CADM1: variants seen among roughly 807,000 people sequenced by gnomAD.
CADM1 encodes cell adhesion molecule 1.
CADM1 carries 15 observed loss-of-function variants against 53.1 expected under a neutral mutation model. That is an observed-to-expected ratio of 0.28 (90% CI 0.19 to 0.44). The LOEUF is 0.44. Among genes scored for constraint, CADM1 ranks in the 20% least tolerant of loss-of-function variants. The pLI, the probability that CADM1 is intolerant of heterozygous loss-of-function variation, is 1.00. For missense variants in CADM1, 434 were observed against 611.3 expected (o/e 0.71, Z 3.06); for synonymous variants, 281 against 243.0 (o/e 1.16, Z -1.45).
At chr11:115,493,602 A>G (rs961438284) in intron 1 of CADM1, among the ~76,000 whole-genome samples, 1 of 152,168 alleles carries the variant, frequency 6.6e-6, no homozygotes, top group Non-Finnish European at 1.5e-5. Context: ...ACCTACACTC[A>G]GTAACTAAAT....
intron 5 of CADM1, among the ~76,000 whole-genome samples, chr11:115,228,842 C>A (rs1159797323): frequency 6.6e-6 from 1 of 152,102 alleles, no homozygotes; most frequent in Non-Finnish European, 1.5e-5. Flanking sequence ...TGATGACAGT[C>A]TATATGCAAA....
Position 115,238,564 on chromosome 11 carries a change from T to C in CADM1, c.360A>G (p.Gly120=). 1.2e-6 allele frequency: 2 copies of C among 1,613,940 alleles called. No homozygotes were observed. The highest frequency in any genetic ancestry group is 1.7e-6 in the Non-Finnish European group (2 of 1,179,880). ...CGGTATAGAGCTGGCAAAAGTATCT[T>C]CCTTCATCAGAAATTGAGACGTTTG... ...SLTNVSISDE[G]RYFCQLYTDP... is the part of the protein sequence containing the mutation. Residue 120 remains glycine (G), a synonymous_variant, in exon 3 of 12, where the codon GGA becomes GGG. Coordinates refer to ENST00000331581, the MANE Select transcript of CADM1 (RefSeq NM_001301043.2).
chr11:115,221,200 T>G (rs1306493606), intron 5 of CADM1, among the ~76,000 whole-genome samples: 2 of 152,130 alleles, frequency 1.3e-5, no homozygotes, highest in East Asian at 3.8e-4. Flanking sequence ...AACTGCTATA[T>G]AAAAATAAGA....
intron 1 of CADM1, among the ~76,000 whole-genome samples, chr11:115,308,999 C>A (rs951574852): frequency 3.3e-5 from 5 of 151,964 alleles, no homozygotes. Flanking sequence ...TACAAACTGG[C>A]AAGAAACATT....
chr11:115,177,216 T>A (rs1322547925), intron 11 of CADM1, among the ~76,000 whole-genome samples: 2 of 152,198 alleles, frequency 1.3e-5, no homozygotes, highest in South Asian at 2.1e-4. Context: ...AGGTTTGGGA[T>A]CTGTCTTAAT....
chr11:115,215,749 G>A (rs193012088), intron 6 of CADM1, among the ~76,000 whole-genome samples: 1 of 152,288 alleles, frequency 6.6e-6, no homozygotes, highest in Non-Finnish European at 1.5e-5. Flanking sequence ...CTCCTATGAA[G>A]TTGAGGCCAC....
chr11:115,197,757 G>A (rs565014362), intron 9 of CADM1, among the ~76,000 whole-genome samples: 2 of 152,130 alleles, frequency 1.3e-5, no homozygotes, highest in African/African-American at 2.4e-5. Context: ...TTGACACATG[G>A]TATCATTCTT....
chr11:115,180,809 T>C (rs1939274903), intron 10 of CADM1, among the ~76,000 whole-genome samples: 1 of 152,036 alleles, frequency 6.6e-6, no homozygotes, highest in South Asian at 2.1e-4. Flanking sequence ...AGCCAGCAAG[T>C]TGTGTTTTCC....
Position 115,375,205 on chromosome 11 carries a change from T to C in CADM1, c.124+129066A>G, listed in dbSNP as rs538628897. 3.7e-4 allele frequency among the ~76,000 whole-genome samples: 57 copies of C among 152,308 alleles called. No homozygotes were observed. In the South Asian group the frequency reaches 6.0e-3, roughly 16 times the overall value. ...TTGAAGTTGAGTGATAAGAACATGA[T>C]ATTCAATACACTATGCCCTCTGCTT... On this transcript the variant is annotated intron_variant, in intron 1 of 11. Transcript: ENST00000331581.
chr11:115,371,252 T>C (rs1351425867), intron 1 of CADM1, among the ~76,000 whole-genome samples: 1 of 152,130 alleles, frequency 6.6e-6, no homozygotes, highest in African/African-American at 2.4e-5. Flanking sequence ...GTTTATAGCA[T>C]ATGCATAAAA....
intron 1 of CADM1, among the ~76,000 whole-genome samples, chr11:115,353,015 G>A (rs1246066508): frequency 6.6e-6 from 1 of 152,320 alleles, no homozygotes; most frequent in South Asian, 2.1e-4. Context: ...GATTTCTCTT[G>A]AGATAACTTT....
intron 1 of CADM1, among the ~76,000 whole-genome samples, chr11:115,359,845 C>T (rs1440943504): frequency 6.6e-6 from 1 of 152,166 alleles, no homozygotes; most frequent in African/African-American, 2.4e-5. Flanking sequence ...TTGAGACCTA[C>T]GAAAATAATA....
chr11:115,298,943 C>T (rs1591684988), intron 1 of CADM1, among the ~76,000 whole-genome samples: 4 of 152,278 alleles, frequency 2.6e-5, no homozygotes, highest in Admixed American at 6.5e-5. Context: ...TACCTGAACA[C>T]TGCCAGGTCA....
At chr11:115,197,814 C>T (rs1940229752) in intron 9 of CADM1, among the ~76,000 whole-genome samples, 1 of 152,122 alleles carries the variant, frequency 6.6e-6, no homozygotes, top group African/African-American at 2.4e-5. Flanking sequence ...GTTATATGAA[C>T]ACATAGAGAT....
At chr11:115,261,985 T>G (rs561529918) in intron 1 of CADM1, among the ~76,000 whole-genome samples, 26 of 152,120 alleles carry the variant, frequency 1.7e-4, no homozygotes, top group Non-Finnish European at 3.5e-4. Flanking sequence ...TTCACCATGT[T>G]AGCCAGGATG....
chr11:115,404,327 G>GA (rs1216372271), intron 1 of CADM1, among the ~76,000 whole-genome samples: 3 of 5,830 alleles, frequency 5.1e-4, no homozygotes, highest in African/African-American at 5.3e-4. Context: ...ATCTGTCTCG[G>GA]AAAAAAAAAA....
chr11:115,296,721 G>A (rs1369224622), intron 1 of CADM1, among the ~76,000 whole-genome samples: 1 of 152,064 alleles, frequency 6.6e-6, no homozygotes, highest in African/African-American at 2.4e-5. Context: ...ATCTCACTTT[G>A]GGTACTCTGT....
chr11:115,234,412 GC>G (rs923046785), intron 3 of CADM1, among the ~76,000 whole-genome samples: 1 of 152,158 alleles, frequency 6.6e-6, no homozygotes, highest in Admixed American at 6.5e-5. Flanking sequence ...CTGACAGGCA[GC>G]TAGGTCCCCA....
At chr11:115,478,162 A>G (rs925195377) in intron 1 of CADM1, among the ~76,000 whole-genome samples, 18 of 152,198 alleles carry the variant, frequency 1.2e-4, no homozygotes, top group Non-Finnish European at 2.4e-4. Flanking sequence ...TAAAATTCCT[A>G]AATCTTCTGG....
Sources: gnomAD v4.1 joint callset for allele counts (sites outside exome capture counted in the v4.1 genomes callset) on GRCh38, gnomAD v4.1.1 for gene constraint, MANE v1.5 for transcripts, NCBI Gene and HGNC (gene_info 2026-07-23, HGNC 2026-07-21) for gene names.